The following CACNA1E variants were observed in gnomAD, a reference collection of about 807,000 sequenced individuals.
CACNA1E encodes the protein calcium voltage-gated channel subunit alpha1 E.
In CACNA1E, 40 loss-of-function variants were observed where a neutral mutation model predicts 259.2. The observed-to-expected ratio is 0.15, with a 90% confidence interval of 0.12 to 0.20. The LOEUF (loss-of-function observed/expected upper bound fraction) is 0.20. Ranked by LOEUF, CACNA1E falls within the 10% of genes least tolerant of loss-of-function variation. The pLI, the probability that CACNA1E is intolerant of heterozygous loss-of-function variation, is 1.00. For missense variants in CACNA1E, 1,874 were observed against 3,040.1 expected (o/e 0.62, Z 9.02); for synonymous variants, 1,104 against 1,138.5 (o/e 0.97, Z 0.61).
At chr1:181,689,132 C>T (rs747775451) in intron 7 of CACNA1E, among the ~76,000 whole-genome samples, 5 of 152,094 alleles carry the variant, frequency 3.3e-5, no homozygotes, top group Non-Finnish European at 7.4e-5. Flanking sequence ...CCCCTACCCG[C>T]CCCCTGATTC....
chr1:181,497,967 CT>C (rs1401658781), intron 1 of CACNA1E, among the ~76,000 whole-genome samples: 4 of 152,018 alleles, frequency 2.6e-5, no homozygotes, highest in African/African-American at 7.3e-5. Context: ...GCTATTTTGT[CT>C]TTCCCCCGCC....
At chr1:181,521,019 G>A (rs895870927) in intron 3 of CACNA1E, among the ~76,000 whole-genome samples, 2 of 152,208 alleles carry the variant, frequency 1.3e-5, no homozygotes, top group African/African-American at 4.8e-5. Context: ...CTGAAAAGAA[G>A]CCTGAGGTCT....
Position 181,616,721 on chromosome 1 carries a change from A to AAAACAAAACAAAC in CACNA1E, c.952-34608_952-34596dup, listed in dbSNP as rs1384053398. On this transcript the variant is annotated intron_variant, in intron 6 of 47. Coordinates refer to ENST00000367573, the MANE Select transcript of CACNA1E (RefSeq NM_001205293.3). ...GAGCAAGACTCCATCTCAAAAAAAC[A>AAAACAAAACAAAC]AAACAAAACAAACAAACAAAAAAAA... Among the ~76,000 whole-genome samples the AAAACAAAACAAAC allele has an allele frequency of 3.3e-5, 5 of 152,092 alleles. No homozygotes were observed. The South Asian group carries it at 1.0e-3, about 32-fold the overall frequency.
chr1:181,354,917 G>A (rs2101897605), intron 1 of CACNA1E, among the ~76,000 whole-genome samples: 1 of 152,316 alleles, frequency 6.6e-6, no homozygotes, highest in East Asian at 1.9e-4. Context: ...CAAGGTTAAG[G>A]ACCTTAGCAA....
chr1:181,735,437 T>C (rs1655945444), intron 21 of CACNA1E, among the ~76,000 whole-genome samples: 1 of 151,940 alleles, frequency 6.6e-6, no homozygotes, highest in African/African-American at 2.4e-5. Flanking sequence ...TGACACAGGG[T>C]TCCAGGGTGG....
chr1:181,673,127 A>G (rs1457747853), intron 7 of CACNA1E, among the ~76,000 whole-genome samples: 1 of 152,248 alleles, frequency 6.6e-6, no homozygotes, highest in East Asian at 1.9e-4. Flanking sequence ...AGAAGGAACC[A>G]TGTAGAACGT....
chr1:181,332,638 G>A (rs1403351094), intron 1 of CACNA1E, among the ~76,000 whole-genome samples: 1 of 152,160 alleles, frequency 6.6e-6, no homozygotes, highest in Admixed American at 6.5e-5. Context: ...CTAGTTTGGT[G>A]GGTGGGGAGC....
In CACNA1E at chr1:181,733,629, C is replaced by T. The variant is rs757319688; in HGVS notation, c.3141C>T (p.Ser1047=). Residue 1047 remains serine (S), a synonymous_variant, in exon 21 of 48, where the codon AGC becomes AGT. Coordinates refer to ENST00000367573, the MANE Select transcript of CACNA1E (RefSeq NM_001205293.3). ...AGCTAGACATGGGCCGGGTCATCAG[C>T]CAGAGCGAGCCTGACCTCTCCTGCA... The part of the protein sequence containing the change: ...NVQLDMGRVI[S]QSEPDLSCIT... 5.0e-6 allele frequency: 8 copies of T among 1,612,996 alleles called. No individual in the cohort carries two copies. The Admixed American group carries it at 5.0e-5, about 10-fold the overall frequency.
Position 181,772,105 on chromosome 1 carries a change from A to G in CACNA1E, c.5013A>G (p.Ser1671=), listed in dbSNP as rs1323951796. 2 of 1,614,004 alleles carry G rather than the reference A, an allele frequency of 1.2e-6. No homozygotes were observed. The highest frequency in any genetic ancestry group is 1.7e-6 in the Non-Finnish European group (2 of 1,179,892). The part of the protein sequence containing the change: ...TGEAWQEIML[S]CLGEKGCEPD... The stretch of plus-strand genomic sequence containing the variant: ...AGGCCTGGCAGGAGATTATGCTGTC[A>G]TGCCTTGGGGAGAAGGGCTGTGAGC... Residue 1671 remains serine, a synonymous_variant, in exon 37 of 48, where the codon TCA becomes TCG. Transcript: ENST00000367573.
rs1206091612 is a variant in CACNA1E, at chr1:181,590,414, A to ATATATATATATAT, written c.951+9638_951+9639insTATATATATATAT. Among the ~76,000 whole-genome samples, 351 of 125,492 alleles carry ATATATATATATAT rather than the reference A, an allele frequency of 2.8e-3. 1 individual carries two copies. The highest frequency in any genetic ancestry group is 0.01 in the African/African-American group (324 of 31,934). The allele number at this position is 125,492 out of a possible 152,430, so 82.3% of individuals were successfully genotyped here. A position where few individuals can be genotyped will look rare whatever the true frequency, so the allele number is the denominator to read the frequency against. ...TGGAGTCAATTACAAAAAAAAAAAA[A>ATATATATATATAT]AAATATATATATATATATATATTGT... On this transcript the variant is annotated intron_variant, in intron 6 of 47. Transcript: ENST00000367573.
chr1:181,725,934 T>A (rs111644624), intron 17 of CACNA1E, 131 bp from the exon 18 acceptor site: 1 of 608,478 alleles, frequency 1.6e-6, no homozygotes, highest in Admixed American at 2.8e-5. Flanking sequence ...CATCTCGCTG[T>A]CTTGTTTATC....
At chr1:181,649,949 C>G (rs1258048668) in intron 6 of CACNA1E, among the ~76,000 whole-genome samples, 3 of 152,174 alleles carry the variant, frequency 2.0e-5, no homozygotes, top group African/African-American at 4.8e-5. Context: ...CAACAAACCC[C>G]TCTGACATGA....
At chr1:181,444,640 T>G (rs1212549240) in intron 2 of CACNA1E, among the ~76,000 whole-genome samples, 1 of 152,200 alleles carries the variant, frequency 6.6e-6, no homozygotes, top group Non-Finnish European at 1.5e-5. Context: ...AGTTTCTGAA[T>G]GTAGGGCTTC....
rs925003298 is a variant in CACNA1E at position 181,408,300 on chromosome 1, G to A, written c.-14-4833G>A. Among the ~76,000 whole-genome samples the A allele has an allele frequency of 2.6e-5, 4 of 152,298 alleles. No individual in the cohort carries two copies. In the South Asian group the frequency reaches 8.3e-4, roughly 32 times the overall value. On this transcript the variant is annotated intron_variant, in intron 1 of 11. Coordinates refer to the CACNA1E transcript ENST00000524607. ...ATGGGCATGCACCCAAGGAAAGGAA[G>A]ATGAATGTCCTCAATGTGACAGACT...
chr1:181,440,196 T>C lies in CACNA1E; in HGVS notation c.434+26616T>C, dbSNP rs570303764. On this transcript the variant is annotated intron_variant, in intron 2 of 11. Transcript: ENST00000524607. ...CTACATATTTTTTAGGTTGCATGAG[T>C]GTGCGGGGGAAAGAGGCAATTGTCG... Among the ~76,000 whole-genome samples the C allele has an allele frequency of 2.6e-5, 4 of 152,130 alleles. No homozygotes were observed. The South Asian group carries it at 8.3e-4, about 32-fold the overall frequency.
At chr1:181,490,543 G>GTT (rs34093740) in intron 1 of CACNA1E, among the ~76,000 whole-genome samples, 23,134 of 125,074 alleles carry the variant, frequency 0.18, 2,446 homozygotes, top group Admixed American at 0.26. Flanking sequence ...TGCCAAGCAT[G>GTT]TTTTTTTTTT....
At chr1:181,330,725 G>A (rs752529448) in intron 1 of CACNA1E, among the ~76,000 whole-genome samples, 2 of 152,232 alleles carry the variant, frequency 1.3e-5, no homozygotes, top group African/African-American at 4.8e-5. Flanking sequence ...AGTCAGTGCT[G>A]CAGGGCAGGG....
intron 7 of CACNA1E, chr1:181,651,950 C>G (rs1027706780): frequency 6.6e-6 from 1 of 152,572 alleles, no homozygotes; most frequent in African/African-American, 2.4e-5. Context: ...GGTTCCTCTC[C>G]TTAGGAAACA....
intron 1 of CACNA1E, among the ~76,000 whole-genome samples, chr1:181,362,612 C>T (rs1056994248): frequency 5.3e-5 from 8 of 152,298 alleles, no homozygotes; most frequent in African/African-American, 1.7e-4. Context: ...CTGTAAAATG[C>T]TGTAAGGGAT....
Sources: allele counts gnomAD v4.1 joint callset (sites outside exome capture counted in the v4.1 genomes callset), GRCh38; gene constraint gnomAD v4.1.1; transcripts MANE v1.5; gene names NCBI Gene and HGNC (gene_info 2026-07-23, HGNC 2026-07-21).